The following NRXN3 variants were observed in gnomAD, a reference collection of about 807,000 sequenced individuals.
NRXN3 encodes neurexin III.
In NRXN3, 32 loss-of-function variants were observed where a neutral mutation model predicts 137.6. That is an observed-to-expected ratio of 0.23 (90% CI 0.18 to 0.31). The LOEUF (loss-of-function observed/expected upper bound fraction) is 0.31, where lower values mean the gene tolerates loss of function less well. NRXN3 is among the 10% of genes least tolerant of loss of function. The probability of loss-of-function intolerance (pLI) is 1.00; values close to 1 mark genes in which losing one functional copy is unlikely to be tolerated. For synonymous variants in NRXN3, 798 were observed against 784.5 expected (o/e 1.02, Z -0.29); for missense variants, 1,574 against 2,062.5 (o/e 0.76, Z 4.59).
At chr14:79,430,760 A>G (rs933406732) in intron 15 of NRXN3, among the ~76,000 whole-genome samples, 4 of 152,174 alleles carry the variant, frequency 2.6e-5, no homozygotes, top group Admixed American at 1.3e-4. Flanking sequence ...TTTTAAAGTT[A>G]TTGTTTGAGA....
chr14:78,618,038 G>A (rs1479143554), intron 4 of NRXN3, among the ~76,000 whole-genome samples: 2 of 151,730 alleles, frequency 1.3e-5, no homozygotes, highest in African/African-American at 2.4e-5. Context: ...TCATTCTTAT[G>A]TATCTCCATA....
intron 3 of NRXN3, among the ~76,000 whole-genome samples, chr14:78,294,576 A>AAAAAAAAG (rs2076135382): frequency 6.8e-6 from 1 of 146,266 alleles, no homozygotes; most frequent in African/African-American, 2.5e-5. Context: ...AAAAAAAAAA[A>AAAAAAAAG]AAAGAAAAAG....
chr14:78,925,390 C>T (rs1374598893), intron 10 of NRXN3, among the ~76,000 whole-genome samples: 2 of 152,104 alleles, frequency 1.3e-5, no homozygotes, highest in African/African-American at 4.8e-5. Flanking sequence ...TCAGCTTTTG[C>T]CTTATAACAC....
chr14:79,774,688 A>G (rs1048393488), intron 19 of NRXN3, among the ~76,000 whole-genome samples: 4 of 152,154 alleles, frequency 2.6e-5, no homozygotes, highest in African/African-American at 9.7e-5. Flanking sequence ...TCTGCCCAAA[A>G]GATTATTTTT....
chr14:79,793,267 T>TA (rs2140330832), intron 19 of NRXN3, among the ~76,000 whole-genome samples: 2 of 147,670 alleles, frequency 1.4e-5, no homozygotes, highest in African/African-American at 4.9e-5. Context: ...CCATCTCTAC[T>TA]AAAAATACAA....
At chr14:78,372,615 C>T (rs1407976193) in intron 4 of NRXN3, among the ~76,000 whole-genome samples, 1 of 152,228 alleles carries the variant, frequency 6.6e-6, no homozygotes, top group African/African-American at 2.4e-5. Context: ...ACATAAGCCA[C>T]TGCACCTGGC....
intron 16 of NRXN3, among the ~76,000 whole-genome samples, chr14:79,641,817 TG>T (rs2098435333): frequency 7.4e-6 from 1 of 135,762 alleles, no homozygotes; most frequent in African/African-American, 2.4e-5. Context: ...CCTGTCATTT[TG>T]CAGGTCAATC....
At chr14:79,173,324 G>A (rs2061969210) in intron 15 of NRXN3, among the ~76,000 whole-genome samples, 1 of 151,990 alleles carries the variant, frequency 6.6e-6, no homozygotes, top group Non-Finnish European at 1.5e-5. Context: ...GAGCCCAGGA[G>A]TTGGAGACCA....
At chr14:79,408,428 A>G (rs1446917997) in intron 15 of NRXN3, among the ~76,000 whole-genome samples, 2 of 152,138 alleles carry the variant, frequency 1.3e-5, no homozygotes, top group African/African-American at 4.8e-5. Context: ...ACATGGTTTG[A>G]AGGATTCCTA....
At chr14:79,528,856 T>C (rs2097144897) in intron 16 of NRXN3, among the ~76,000 whole-genome samples, 1 of 152,112 alleles carries the variant, frequency 6.6e-6, no homozygotes, top group Non-Finnish European at 1.5e-5. Context: ...TGCAGCATAC[T>C]GAAAAAGTAT....
At chr14:79,249,533 T>G (rs1428740964) in intron 15 of NRXN3, among the ~76,000 whole-genome samples, 2 of 152,198 alleles carry the variant, frequency 1.3e-5, no homozygotes, top group Non-Finnish European at 2.9e-5. Flanking sequence ...ACAATTGGAT[T>G]CCATGAACAT....
At chr14:78,728,947 T>G (rs1180547655) in intron 8 of NRXN3, among the ~76,000 whole-genome samples, 1 of 152,148 alleles carries the variant, frequency 6.6e-6, no homozygotes, top group Non-Finnish European at 1.5e-5. Flanking sequence ...GAATCCCAGT[T>G]CCATTGCTCA....
At chr14:79,580,612 C>T (rs75242296) in intron 16 of NRXN3, among the ~76,000 whole-genome samples, 18,466 of 151,966 alleles carry the variant, frequency 0.12, 1,262 homozygotes, top group South Asian at 0.22. Context: ...TTATTAGAAA[C>T]GGGAAGGCAG....
chr14:79,605,378 ACTACTAAGTGAT>A (rs1327669506), intron 16 of NRXN3, among the ~76,000 whole-genome samples: 2 of 152,166 alleles, frequency 1.3e-5, no homozygotes, highest in African/African-American at 2.4e-5. Context: ...CTTCCCGCAT[ACTACTAAGTGAT>A]CTGGGAGAAG....
chr14:78,211,983 G>GAAAGT (rs1298293829), intron 1 of NRXN3, among the ~76,000 whole-genome samples: 1 of 152,220 alleles, frequency 6.6e-6, no homozygotes, highest in Non-Finnish European at 1.5e-5. Flanking sequence ...GTGTCCTTTA[G>GAAAGT]AAAGTATGGG....
chr14:78,616,274 A>G (rs147232913), intron 4 of NRXN3, among the ~76,000 whole-genome samples: 1 of 152,322 alleles, frequency 6.6e-6, no homozygotes, highest in Non-Finnish European at 1.5e-5. Flanking sequence ...CACCTCTGCA[A>G]CTTCCTCTTA....
intron 11 of NRXN3, among the ~76,000 whole-genome samples, chr14:78,958,942 A>G (rs1329687406): frequency 6.6e-6 from 1 of 152,216 alleles, no homozygotes; most frequent in Non-Finnish European, 1.5e-5. Flanking sequence ...CATTGCCACT[A>G]AAATATTTTA....
chr14:78,831,784 C>T (rs553619513), intron 10 of NRXN3, among the ~76,000 whole-genome samples: 36 of 151,984 alleles, frequency 2.4e-4, no homozygotes, highest in East Asian at 9.7e-4. Context: ...TCATTTAAGT[C>T]GATAAAATTG....
At chr14:78,416,056 C>A (rs2153669936) in intron 4 of NRXN3, among the ~76,000 whole-genome samples, 1 of 152,240 alleles carries the variant, frequency 6.6e-6, no homozygotes, top group East Asian at 1.9e-4. Flanking sequence ...TAAAGCAAGT[C>A]ACATGGACAA....
Sources: allele counts gnomAD v4.1 joint callset (sites outside exome capture counted in the v4.1 genomes callset), GRCh38; gene constraint gnomAD v4.1.1; transcripts MANE v1.5; gene names NCBI Gene and HGNC (gene_info 2026-07-23, HGNC 2026-07-21).